The following SLAIN1 variants were observed in gnomAD, a reference collection of about 807,000 sequenced individuals.
The protein encoded by SLAIN1 is SLAIN motif-containing protein 1.
Under a neutral mutation model 55.4 loss-of-function variants are expected in SLAIN1, and 17 were observed. The observed-to-expected ratio is 0.31, with a 90% CI of 0.21 to 0.46. The LOEUF (loss-of-function observed/expected upper bound fraction) is 0.46, where lower values mean the gene tolerates loss of function less well. Among genes scored for constraint, SLAIN1 ranks in the 20% least tolerant of loss-of-function variants. SLAIN1 has a pLI of 1.00. For missense variants in SLAIN1, 682 were observed against 785.1 expected (o/e 0.87, Z 1.57); for synonymous variants, 348 against 337.4 (o/e 1.03, Z -0.35).
At chr13:77,734,950 GT>G (rs1873047038) in intron 2 of SLAIN1, among the ~76,000 whole-genome samples, 2 of 152,032 alleles carry the variant, frequency 1.3e-5, no homozygotes, top group South Asian at 4.1e-4. Flanking sequence ...AACCTGGGAG[GT>G]GGAGGTTTCA....
At chr13:77,711,534 G>A (rs1594255333) in intron 1 of SLAIN1, among the ~76,000 whole-genome samples, 4 of 152,178 alleles carry the variant, frequency 2.6e-5, no homozygotes, top group African/African-American at 7.2e-5. Context: ...GGAAGAAGTC[G>A]AATCCCTGAA....
At position 77,746,389 on chromosome 13, in the gene SLAIN1, G is replaced by A. The variant is rs538360357; in HGVS notation, c.917-125G>A. Reference sequence around the variant, plus strand: ...GTAAACTTGTCAATTTAGTAAACTTGAGAACAAGATAATAAGTCTCTGTGA... The same window carrying A: ...GTAAACTTGTCAATTTAGTAAACTTAAGAACAAGATAATAAGTCTCTGTGA... On this transcript the variant is annotated intron_variant, in intron 3 of 6. Transcript: ENST00000418532. The A allele has an allele frequency of 2.2e-5, 17 of 762,416 alleles. No homozygotes were observed. The African/African-American group carries it at 2.3e-4, about 10-fold the overall frequency. 47.2% of individuals were successfully genotyped at this position (762,416 alleles called of 1,614,324 possible).
intron 4 of SLAIN1, among the ~76,000 whole-genome samples, chr13:77,749,582 C>T (rs1030077932): frequency 2.0e-5 from 3 of 152,118 alleles, no homozygotes; most frequent in African/African-American, 7.2e-5. Flanking sequence ...TGAGCAAGCT[C>T]ATTTGAATTC....
chr13:77,729,539 T>C lies in SLAIN1; in HGVS notation c.766+9868T>C, dbSNP rs141192972. On this transcript the variant is annotated intron_variant, in intron 2 of 6. Coordinates refer to ENST00000418532, the MANE Select transcript of SLAIN1 (RefSeq NM_001242868.2). ...TTTGGTAGGTGTTGGTACCTGTTTC[T>C]TGGGACCTCTACAGAATAGTCAGGT... Among the ~76,000 whole-genome samples, 937 of 152,080 alleles carry C rather than the reference T, an allele frequency of 6.2e-3. 14 individuals carry two copies. The highest frequency in any genetic ancestry group is 7.3e-3 in the Non-Finnish European group (498 of 67,970).
chr13:77,698,228 G>T lies in SLAIN1; in HGVS notation c.315G>T (p.Gly105=), dbSNP rs865876764. ...GLGLGLALGA[G]GGGGSGSGSG... is the part of the protein sequence containing the mutation. ...GGCTCGGGCTGGCGCTGGGCGCGGG[G>T]GGCGGTGGCGGCAGCGGTAGTGGCA... Residue 105 remains glycine (G), a synonymous_variant, in exon 1 of 7, where the codon GGG becomes GGT. Coordinates refer to ENST00000418532, the MANE Select transcript of SLAIN1 (RefSeq NM_001242868.2). The surrounding 1 kb of genome is among the most constrained non-coding windows in gnomAD (Gnocchi z 4.1). The T allele has an allele frequency of 3.8e-6, 5 of 1,331,764 alleles. No homozygotes were observed. In the African/African-American group the frequency reaches 7.6e-5, roughly 20 times the overall value. The allele number at this position is 1,331,764 out of a possible 1,614,324, so 82.5% of individuals were successfully genotyped here. A position where few individuals can be genotyped will look rare whatever the true frequency, so the allele number is the denominator to read the frequency against.
Position 77,698,930 on chromosome 13 carries a change from G to T in SLAIN1, c.626+391G>T. ...TTCGGAGGGATGACGGGGGATGGTA[G>T]GGGTTGGCCTCTGTCTGCGACTGTT... On this transcript the variant is annotated intron_variant, in intron 1 of 6. Transcript: ENST00000418532. This position sits in a 1 kb window ranked among gnomAD's most constrained non-coding sequence, Gnocchi z 4.1. 2.6e-6 allele frequency: 4 copies of T among 1,533,830 alleles called. No individual in the cohort carries two copies. The highest frequency in any genetic ancestry group is 2.6e-6 in the Non-Finnish European group (3 of 1,146,596).
At chr13:77,748,990 G>T (rs1874030120) in intron 4 of SLAIN1, among the ~76,000 whole-genome samples, 2 of 152,080 alleles carry the variant, frequency 1.3e-5, no homozygotes, top group Non-Finnish European at 2.9e-5. Flanking sequence ...GCTAAATAAA[G>T]GTTGTCTTCT....
At chr13:77,718,899 A>T (rs1335322951) in intron 1 of SLAIN1, among the ~76,000 whole-genome samples, 2 of 152,132 alleles carry the variant, frequency 1.3e-5, no homozygotes, top group African/African-American at 4.8e-5. Context: ...AATACTATCC[A>T]TTACTGTGTA....
intron 2 of SLAIN1, among the ~76,000 whole-genome samples, chr13:77,723,043 C>G (rs1318023842): frequency 1.3e-5 from 2 of 152,204 alleles, no homozygotes; most frequent in African/African-American, 4.8e-5. Context: ...CCACTGTGCC[C>G]AGCCCATCTA....
intron 5 of SLAIN1, among the ~76,000 whole-genome samples, chr13:77,753,680 A>G (rs1162009240): frequency 1.3e-5 from 2 of 152,120 alleles, no homozygotes; most frequent in African/African-American, 4.8e-5. Context: ...ATATCCTAGG[A>G]TAGTAGAAGT....
At chr13:77,730,329 T>C (rs1872795354) in intron 2 of SLAIN1, among the ~76,000 whole-genome samples, 1 of 152,210 alleles carries the variant, frequency 6.6e-6, no homozygotes, top group Non-Finnish European at 1.5e-5. Context: ...TTTGGAAATC[T>C]GGTGAACTGT....
chr13:77,736,993 C>T (rs959642692), intron 2 of SLAIN1, among the ~76,000 whole-genome samples: 3 of 151,902 alleles, frequency 2.0e-5, no homozygotes, highest in Non-Finnish European at 4.4e-5. Context: ...GTTGATGTAC[C>T]CTGAATCTGT....
At chr13:77,751,729 C>G (rs1426204411) in intron 4 of SLAIN1, among the ~76,000 whole-genome samples, 1 of 152,082 alleles carries the variant, frequency 6.6e-6, no homozygotes, top group Middle Eastern at 3.2e-3. Context: ...AGGAGCTTGG[C>G]CTTTCAGAAG....
rs773145706 is a variant in SLAIN1, at chr13:77,744,348, G to T, written c.832G>T (p.Glu278Ter). 6.2e-7 allele frequency: 1 copy of T among 1,612,910 alleles called. No homozygotes were observed. The highest frequency in any genetic ancestry group is 1.3e-5 in the African/African-American group (1 of 74,964). ...SSIDSELSTS[E>*]LEDDSISMGY... is the part of the protein sequence containing the mutation. ...TATCGACAGTGAGCTGAGTACTTCAGAATTGGAGGATGATTCTATCTCCAT... is the reference window on the plus strand; with the variant it reads ...TATCGACAGTGAGCTGAGTACTTCATAATTGGAGGATGATTCTATCTCCAT... Residue 278 changes from glutamate (E) to a stop codon, truncating the protein, a stop_gained, in exon 3 of 7, where the codon GAA becomes TAA. Coordinates refer to ENST00000418532, the MANE Select transcript of SLAIN1 (RefSeq NM_001242868.2). LOFTEE classifies it high-confidence loss of function.
intron 1 of SLAIN1, among the ~76,000 whole-genome samples, chr13:77,717,607 C>T (rs766749003): frequency 3.3e-5 from 5 of 152,044 alleles, no homozygotes; most frequent in Admixed American, 6.6e-5. Context: ...AAAACTTGTC[C>T]GCAAGCTTAT....
intron 2 of SLAIN1, among the ~76,000 whole-genome samples, chr13:77,740,694 C>A (rs1232174219): frequency 2.0e-5 from 3 of 151,922 alleles, no homozygotes; most frequent in Non-Finnish European, 2.9e-5. Flanking sequence ...CATTTCACAT[C>A]ATTTTATATA....
Position 77,698,121 on chromosome 13 carries a change from C to G in SLAIN1, c.208C>G (p.Pro70Ala). 1 of 985,742 alleles carries G rather than the reference C, an allele frequency of 1.0e-6. No individual in the cohort carries two copies. Among genetic ancestry groups the G allele is most frequent in the Non-Finnish European group, 1.2e-6 (1 of 860,156 alleles). 61.1% of individuals were successfully genotyped at this position (985,742 alleles called of 1,614,324 possible). A position where few individuals can be genotyped will look rare whatever the true frequency, so the allele number is the denominator to read the frequency against. Residue 70 changes from proline (P) to alanine (A), a missense_variant, in exon 1 of 7, where the codon CCG becomes GCG. Coordinates refer to ENST00000418532, the MANE Select transcript of SLAIN1 (RefSeq NM_001242868.2). The surrounding 1 kb of genome is among the most constrained non-coding windows in gnomAD (Gnocchi z 4.1). ...LLLPPPPPAA[P>A]PPAGLQPLGP... ...GCTGCCGCCGCCGCCGCCCGCCGCG[C>G]CGCCCCCCGCTGGCCTGCAGCCTTT...
chr13:77,761,031 C>A lies in SLAIN1; in HGVS notation c.1618C>A (p.Arg540Ser), dbSNP rs369277171. The A allele has an allele frequency of 6.2e-7, 1 of 1,614,014 alleles. No homozygotes were observed. Among genetic ancestry groups the A allele is most frequent in the South Asian group, 1.1e-5 (1 of 91,074 alleles). The change falls in exon 6 of 7, where the codon CGC (arginine) becomes AGC (serine). Residue 540 changes from arginine to serine, a missense_variant. Around this residue, in one of 3 missense-constraint regions of SLAIN1, gnomAD observed 244 missense variants for 295.2 expected, o/e 0.83. Transcript: ENST00000418532. ...NKAAASGIMGRSALPRPSLAI... is the reference protein window; with the variant it reads ...NKAAASGIMGSSALPRPSLAI... ...AGCTGCAGCTTCTGGGATAATGGGT[C>A]GCAGTGCACTCCCAAGACCTTCGTT...
rs758409046 is a variant in SLAIN1 at position 77,698,928 on chromosome 13, T to G, written c.626+389T>G. 2.6e-6 allele frequency: 4 copies of G among 1,533,788 alleles called. No homozygotes were observed. The South Asian group carries it at 4.8e-5, about 18-fold the overall frequency. Reference sequence around the variant, plus strand: ...TTTTCGGAGGGATGACGGGGGATGGTAGGGGTTGGCCTCTGTCTGCGACTG... The same window carrying G: ...TTTTCGGAGGGATGACGGGGGATGGGAGGGGTTGGCCTCTGTCTGCGACTG... On this transcript the variant is annotated intron_variant, in intron 1 of 6. Coordinates refer to ENST00000418532, the MANE Select transcript of SLAIN1 (RefSeq NM_001242868.2). The surrounding 1 kb of genome is among the most constrained non-coding windows in gnomAD (Gnocchi z 4.1).
Sources: allele counts gnomAD v4.1 joint callset (sites outside exome capture counted in the v4.1 genomes callset), GRCh38; gene constraint gnomAD v4.1.1; regional missense constraint gnomAD v4.1.1; non-coding constraint Gnocchi (gnomAD v3.1); transcripts MANE v1.5; gene names NCBI Gene and HGNC (gene_info 2026-07-23, HGNC 2026-07-21).